ARHGAP28: variants seen among roughly 807,000 people sequenced by gnomAD.
ARHGAP28 encodes the protein Rho GTPase activating protein 28.
ARHGAP28 carries 56 observed loss-of-function variants against 90.7 expected under a neutral mutation model. The observed-to-expected ratio is 0.62, with a 90% CI of 0.50 to 0.77. ARHGAP28 has a LOEUF of 0.77. Ranked by LOEUF, ARHGAP28 falls within the 30% of genes least tolerant of loss-of-function variation. The pLI is 0.00. For synonymous variants in ARHGAP28, 308 were observed against 323.3 expected, an observed-to-expected ratio of 0.95 and a Z score of 0.51; for missense variants, 869 against 900.9, an observed-to-expected ratio of 0.96 and a Z score of 0.45.
At position 6,911,732 on chromosome 18, in the gene ARHGAP28, A is replaced by G. The variant is rs1000410642; in HGVS notation, c.2096-328A>G. Among the ~76,000 whole-genome samples the G allele has an allele frequency of 7.2e-5, 11 of 152,262 alleles. 1 individual carries two copies. The highest frequency in any genetic ancestry group is 2.0e-4 in the Admixed American group (3 of 15,290). ...ATTACAGGTGTGAGCCACTGCGCCC[A>G]GCCCTTGCCATAATTTTCTAATTGA... On this transcript the variant is annotated intron_variant, in intron 17 of 17. Coordinates refer to ENST00000383472, the MANE Select transcript of ARHGAP28 (RefSeq NM_001366230.1).
chr18:6,911,864 GA>G (rs1196194690), intron 17 of ARHGAP28, among the ~76,000 whole-genome samples, 195 bp from the exon 18 acceptor site: 15 of 145,504 alleles, frequency 1.0e-4, no homozygotes, highest in East Asian at 4.0e-4. Flanking sequence ...CTTAAAGAAA[GA>G]AAAAAAAAAG....
intron 16 of ARHGAP28, among the ~76,000 whole-genome samples, chr18:6,901,601 C>G (rs2057338966): frequency 6.7e-6 from 1 of 150,174 alleles, no homozygotes; most frequent in Non-Finnish European, 1.5e-5. Context: ...ACACATAATT[C>G]CAATCTAAAC....
At chr18:6,758,706 GC>G (rs1449835267) in intron 1 of ARHGAP28, among the ~76,000 whole-genome samples, 1 of 152,136 alleles carries the variant, frequency 6.6e-6, no homozygotes, top group African/African-American at 2.4e-5. Flanking sequence ...CCTCCTAGCT[GC>G]TTGGTCTAGT....
intron 3 of ARHGAP28, among the ~76,000 whole-genome samples, chr18:6,847,392 G>A (rs2056874151): frequency 6.6e-6 from 1 of 152,080 alleles, no homozygotes; most frequent in African/African-American, 2.4e-5. Flanking sequence ...AAAAATATAT[G>A]GTGAGTTTTC....
chr18:6,870,837 T>C, intron 7 of ARHGAP28, 105 bp downstream of exon 7: 1 of 1,265,888 alleles, frequency 7.9e-7, no homozygotes, highest in East Asian at 2.5e-5. Context: ...TCTCGCTCTA[T>C]TGCCCCAGGC....
At chr18:6,730,100 G>T (rs2055863725) in intron 1 of ARHGAP28, 157 bp downstream of exon 1, 1 of 752,508 alleles carries the variant, frequency 1.3e-6, no homozygotes. Flanking sequence ...TCTTTGCATT[G>T]TCTTTGACTG....
At chr18:6,779,920 GT>G (rs2056311723) in intron 1 of ARHGAP28, among the ~76,000 whole-genome samples, 1 of 152,218 alleles carries the variant, frequency 6.6e-6, no homozygotes. Context: ...GAACCTGAGA[GT>G]CCCTAGCTTA....
intron 1 of ARHGAP28, among the ~76,000 whole-genome samples, chr18:6,817,085 TAA>T (rs80276000): frequency 1.8e-4 from 24 of 130,080 alleles, no homozygotes; most frequent in Middle Eastern, 4.2e-3. Context: ...GACCCTGTCT[TAA>T]AAAAAAAAAA....
intron 3 of ARHGAP28, among the ~76,000 whole-genome samples, chr18:6,839,408 C>A (rs574415521): frequency 6.6e-6 from 1 of 152,036 alleles, no homozygotes; most frequent in African/African-American, 2.4e-5. Context: ...ATTCTCCCCC[C>A]TCAGCCTCCC....
At chr18:6,750,125 ACAT>A in intron 1 of ARHGAP28, among the ~76,000 whole-genome samples, 1 of 152,238 alleles carries the variant, frequency 6.6e-6, no homozygotes, top group Non-Finnish European at 1.5e-5. Context: ...TTAATTGCTA[ACAT>A]CTACTGAGTG....
chr18:6,741,875 G>A (rs2055980652), intron 1 of ARHGAP28, among the ~76,000 whole-genome samples: 1 of 152,126 alleles, frequency 6.6e-6, no homozygotes, highest in Non-Finnish European at 1.5e-5. Flanking sequence ...CTGTAATCTT[G>A]TAGCTCTTTG....
rs181182349 is a variant in ARHGAP28 at position 6,858,669 on chromosome 18, A to G, written c.637-1139A>G. Among the ~76,000 whole-genome samples, 675 of 151,830 alleles carry G rather than the reference A, an allele frequency of 4.4e-3. 4 individuals are homozygous for G. Among genetic ancestry groups the G allele is most frequent in the African/African-American group, 0.015 (631 of 41,390 alleles). On this transcript the variant is annotated intron_variant, in intron 4 of 17. Transcript: ENST00000383472. ...AGCAATTCTCCTGCCTCAGCTTCCC[A>G]ACAGGCATGCACCACCACACCCGGC... is the stretch of plus-strand genomic sequence containing the variant.
chr18:6,837,147 C>A, intron 2 of ARHGAP28, 50 bp from the exon 3 acceptor site: 1 of 1,350,542 alleles, frequency 7.4e-7, no homozygotes, highest in Non-Finnish European at 1.0e-6. Context: ...ACATGGCATC[C>A]AATCATACAG....
At chr18:6,795,262 G>A (rs1274628535) in intron 1 of ARHGAP28, among the ~76,000 whole-genome samples, 1 of 152,140 alleles carries the variant, frequency 6.6e-6, no homozygotes, top group African/African-American at 2.4e-5. Flanking sequence ...AATCCAGCAA[G>A]GAAGAGAGCT....
intron 3 of ARHGAP28, among the ~76,000 whole-genome samples, chr18:6,841,157 TTC>T (rs1315145364): frequency 6.7e-4 from 47 of 70,292 alleles, no homozygotes; most frequent in Non-Finnish European, 1.1e-3. Flanking sequence ...TCTCTCCTCT[TTC>T]TCTCTCTCCT....
intron 1 of ARHGAP28, among the ~76,000 whole-genome samples, chr18:6,812,658 T>C (rs1475029819): frequency 1.3e-5 from 2 of 152,200 alleles, no homozygotes; most frequent in Non-Finnish European, 2.9e-5. Flanking sequence ...GATTAGATGC[T>C]GAGCTCCTTA....
intron 1 of ARHGAP28, among the ~76,000 whole-genome samples, chr18:6,750,399 CT>C (rs2056059740): frequency 6.6e-6 from 1 of 152,184 alleles, no homozygotes; most frequent in Non-Finnish European, 1.5e-5. Flanking sequence ...TGTTCCCTTT[CT>C]ATACATCCTA....
At chr18:6,870,528 C>T (rs1414313473) in intron 6 of ARHGAP28, 62 bp from the exon 7 acceptor site, 4 of 1,456,618 alleles carry the variant, frequency 2.7e-6, no homozygotes, top group Non-Finnish European at 3.8e-6. Flanking sequence ...TGTTTTATAG[C>T]AAATAGTATT....
chr18:6,828,128 C>A (rs976307737), intron 2 of ARHGAP28, among the ~76,000 whole-genome samples: 2 of 152,172 alleles, frequency 1.3e-5, no homozygotes, highest in Non-Finnish European at 2.9e-5. Context: ...GCTGGCAGAT[C>A]ACTCGCGGTT....
Sources: gnomAD v4.1 joint callset for allele counts (sites outside exome capture counted in the v4.1 genomes callset) on GRCh38, gnomAD v4.1.1 for gene constraint, MANE v1.5 for transcripts, NCBI Gene and HGNC (gene_info 2026-07-23, HGNC 2026-07-21) for gene names.